The following LTN1 variants were observed in gnomAD, a reference collection of about 807,000 sequenced individuals.
LTN1 encodes listerin E3 ubiquitin protein ligase 1.
In LTN1, 88 loss-of-function variants were observed where a neutral mutation model predicts 201.2. The observed-to-expected ratio is 0.44, with a 90% confidence interval of 0.37 to 0.52. The LOEUF is 0.52. Ranked by LOEUF, LTN1 falls within the 20% of genes least tolerant of loss-of-function variation. The pLI, the probability that LTN1 is intolerant of heterozygous loss-of-function variation, is 0.00. For synonymous variants in LTN1, 645 were observed against 713.5 expected (o/e 0.90, Z 1.53); for missense variants, 1,752 against 2,038.7 (o/e 0.86, Z 2.71).
intron 16 of LTN1, among the ~76,000 whole-genome samples, chr21:28,953,607 A>C (rs2084401216): frequency 6.6e-6 from 1 of 152,182 alleles, no homozygotes; most frequent in African/African-American, 2.4e-5. Context: ...CCTTTTTCTA[A>C]TTAGTTAAGA....
At chr21:28,970,805 G>A in intron 7 of LTN1, 63 bp from the exon 8 acceptor site, 2 of 1,293,376 alleles carry the variant, frequency 1.5e-6, no homozygotes, top group South Asian at 3.2e-5. Context: ...TCAATTAAAA[G>A]AGAAAACATA....
At chr21:28,946,625 C>A (rs928606057) in intron 19 of LTN1, among the ~76,000 whole-genome samples, 2 of 152,154 alleles carry the variant, frequency 1.3e-5, no homozygotes. Context: ...AAAAACCCTA[C>A]AGCTACAGAG....
At chr21:28,931,873 G>A (rs1052787341) in intron 28 of LTN1, among the ~76,000 whole-genome samples, 6 of 152,134 alleles carry the variant, frequency 3.9e-5, no homozygotes, top group African/African-American at 7.2e-5. Context: ...GTGTGGTGGC[G>A]GGTGCCTGTA....
At chr21:28,964,784 A>G (rs2146295979) in intron 11 of LTN1, 1 of 1,547,210 alleles carries the variant, frequency 6.5e-7, no homozygotes, top group Non-Finnish European at 8.7e-7. Context: ...GGAAATGGAT[A>G]CATTAGTCTA....
At chr21:28,959,168 G>A (rs2084452800) in intron 13 of LTN1, among the ~76,000 whole-genome samples, 1 of 152,066 alleles carries the variant, frequency 6.6e-6, no homozygotes, top group African/African-American at 2.4e-5. Context: ...AAGACATCAA[G>A]AAATTAAGGA....
chr21:28,939,092 T>A (rs1287588264), intron 25 of LTN1, among the ~76,000 whole-genome samples: 2 of 152,058 alleles, frequency 1.3e-5, no homozygotes, highest in Non-Finnish European at 2.9e-5. Flanking sequence ...AAAAGTGATT[T>A]AAAAAAACCA....
chr21:28,947,428 T>C (rs1266496735), intron 19 of LTN1, 36 bp downstream of exon 19: 3 of 1,470,912 alleles, frequency 2.0e-6, no homozygotes, highest in Non-Finnish European at 2.7e-6. Flanking sequence ...CAAGCAATAA[T>C]TAAATTAATG....
At chr21:28,945,202 C>G (rs973275406) in intron 21 of LTN1, among the ~76,000 whole-genome samples, 1 of 151,906 alleles carries the variant, frequency 6.6e-6, no homozygotes, top group Admixed American at 6.6e-5. Flanking sequence ...GCCTAAGCAA[C>G]AGAGCGAGAT....
At chr21:28,987,668 G>A (rs1292847057) in intron 1 of LTN1, among the ~76,000 whole-genome samples, 1 of 152,160 alleles carries the variant, frequency 6.6e-6, no homozygotes, top group African/African-American at 2.4e-5. Context: ...TCTACTAAAA[G>A]GAGGTGAGTT....
At chr21:28,937,986 G>A (rs538678734) in intron 25 of LTN1, among the ~76,000 whole-genome samples, 4 of 152,190 alleles carry the variant, frequency 2.6e-5, no homozygotes, top group East Asian at 1.9e-4. Context: ...ATGAGGAAAC[G>A]ATCAGACAAA....
intron 24 of LTN1, 57 bp downstream of exon 24, chr21:28,943,205 T>A: frequency 9.5e-7 from 1 of 1,047,642 alleles, no homozygotes; most frequent in Non-Finnish European, 1.5e-6. Context: ...CTAAAGACAT[T>A]ATAAGTGAGA....
chr21:28,951,840 C>A (rs1375310173), intron 18 of LTN1, among the ~76,000 whole-genome samples: 2 of 151,966 alleles, frequency 1.3e-5, no homozygotes, highest in African/African-American at 2.4e-5. Flanking sequence ...TGTGGTAGTG[C>A]ACACCTGTGG....
chr21:28,958,899 A>AG (rs1000426753), intron 13 of LTN1, among the ~76,000 whole-genome samples: 24 of 152,210 alleles, frequency 1.6e-4, no homozygotes, highest in African/African-American at 5.1e-4. Flanking sequence ...AATGATGGGC[A>AG]GAAAAAAAAG....
At chr21:28,957,309 G>A (rs2084433630) in intron 15 of LTN1, 23 bp downstream of exon 15, 2 of 1,564,750 alleles carry the variant, frequency 1.3e-6, no homozygotes, top group East Asian at 2.3e-5. Flanking sequence ...AATGAGATAT[G>A]TACTCTTCAA....
Position 28,992,311 on chromosome 21 carries a change from C to G in LTN1, c.42+453G>C, listed in dbSNP as rs191492691. ...AAGGGGTAACAGGCAGTCCAGAAAC[C>G]AAATATACCATCCTAAGAGCTTTAG... On this transcript the variant is annotated intron_variant, in intron 1 of 29. Coordinates refer to ENST00000361371, the MANE Select transcript of LTN1 (RefSeq NM_015565.3). 1.3e-3 allele frequency among the ~76,000 whole-genome samples: 197 copies of G among 152,228 alleles called. 1 individual carries two copies. Among genetic ancestry groups the G allele is most frequent in the Admixed American group, 3.1e-3 (48 of 15,290 alleles).
intron 18 of LTN1, 43 bp from the exon 19 acceptor site, chr21:28,947,649 C>T (rs919586250): frequency 8.6e-6 from 11 of 1,272,752 alleles, no homozygotes; most frequent in Non-Finnish European, 1.2e-5. Context: ...TTCTTCCAAA[C>T]ATACAGTTAT....
At position 28,928,706 on chromosome 21, in the gene LTN1, T is replaced by C. The variant is rs1007521505; in HGVS notation, c.*1742A>G. 6.6e-6 allele frequency: 1 copy of C among 152,144 alleles called. No individual in the cohort carries two copies. Among genetic ancestry groups the C allele is most frequent in the African/African-American group, 2.4e-5 (1 of 41,448 alleles). The allele number at this position is 152,144 out of a possible 1,614,324, so 9.4% of individuals were successfully genotyped here. On this transcript the variant is annotated 3_prime_UTR_variant, in exon 30 of 30. Coordinates refer to ENST00000361371, the MANE Select transcript of LTN1 (RefSeq NM_015565.3). ...TTATTTAATTATAACTACTTAATTA[T>C]AGTGTTTCACCAAGAATCTGATGCC...
At position 28,986,671 on chromosome 21, in the gene LTN1, G is replaced by T. The variant is rs1181389742; in HGVS notation, c.246+60C>A. 4 of 1,279,404 alleles carry T rather than the reference G, an allele frequency of 3.1e-6. No individual in the cohort carries two copies. Among genetic ancestry groups the T allele is most frequent in the East Asian group, 2.3e-5 (1 of 43,070 alleles). The allele number at this position is 1,279,404 out of a possible 1,614,324, so 79.3% of individuals were successfully genotyped here. ...TTTTCTTTACATAAAACATGCTAAT[G>T]ACATTTTATTTTAACAAAGGGATTT... On this transcript the variant is annotated intron_variant, in intron 2 of 29. Coordinates refer to ENST00000361371, the MANE Select transcript of LTN1 (RefSeq NM_015565.3). This position sits in a 1 kb window ranked among gnomAD's most constrained non-coding sequence, Gnocchi z 4.1.
chr21:28,990,418 T>C (rs2084735671), intron 1 of LTN1, among the ~76,000 whole-genome samples: 1 of 152,214 alleles, frequency 6.6e-6, no homozygotes, highest in Non-Finnish European at 1.5e-5. Context: ...ATTAATTCAT[T>C]AGTTGGGTTG....
Sources: gnomAD v4.1 joint callset for allele counts (sites outside exome capture counted in the v4.1 genomes callset) on GRCh38, gnomAD v4.1.1 for gene constraint, Gnocchi (gnomAD v3.1) non-coding constraint, MANE v1.5 for transcripts, NCBI Gene and HGNC (gene_info 2026-07-23, HGNC 2026-07-21) for gene names.